CSMD1: variants seen among roughly 807,000 people sequenced by gnomAD.
CSMD1 encodes the protein CUB and Sushi multiple domains 1.
In CSMD1, 213 loss-of-function variants were observed where a neutral mutation model predicts 417.5. The ratio of observed to expected loss-of-function variants is 0.51; its 90% CI spans 0.46 to 0.57. CSMD1 has a LOEUF of 0.57. CSMD1 is among the 20% of genes least tolerant of loss of function. The pLI is 0.00. For synonymous variants in CSMD1, 2,862 were observed against 1,736.8 expected (o/e 1.65, Z -16.11); for missense variants, 6,923 against 4,529.7 (o/e 1.53, Z -15.17).
intron 25 of CSMD1, among the ~76,000 whole-genome samples, chr8:3,301,667 G>C (rs945998263): frequency 1.3e-5 from 2 of 152,120 alleles, no homozygotes; most frequent in Non-Finnish European, 2.9e-5. Flanking sequence ...TCCTGAAGTC[G>C]AAAGTATCCA....
At position 4,911,482 on chromosome 8, in the gene CSMD1, G is replaced by T. The variant is rs577275177; in HGVS notation, c.85+82850C>A. Among the ~76,000 whole-genome samples, 13 of 152,072 alleles carry T rather than the reference G, an allele frequency of 8.5e-5. No individual in the cohort carries two copies. In the South Asian group the frequency reaches 2.7e-3, roughly 32 times the overall value. ...TTCCATAGGATGTGATTAAGGTGTG[G>T]GTCTATACCTCAATGTCATTAACAT... On this transcript the variant is annotated intron_variant, in intron 1 of 69. Coordinates refer to ENST00000635120, the MANE Select transcript of CSMD1 (RefSeq NM_033225.6).
intron 26 of CSMD1, among the ~76,000 whole-genome samples, chr8:3,234,722 G>A (rs1485282629): frequency 6.6e-6 from 1 of 152,122 alleles, no homozygotes; most frequent in East Asian, 1.9e-4. Context: ...AAGTCACGAA[G>A]GTCTCACCCA....
At chr8:2,965,645 G>T in intron 59 of CSMD1, 130 bp downstream of exon 59, 1 of 685,934 alleles carries the variant, frequency 1.5e-6, no homozygotes, top group Non-Finnish European at 2.4e-6. Context: ...TGACTTAATA[G>T]TTGCAAATTG....
intron 3 of CSMD1, among the ~76,000 whole-genome samples, chr8:4,379,044 A>C (rs984767108): frequency 6.6e-6 from 1 of 152,232 alleles, no homozygotes; most frequent in African/African-American, 2.4e-5. Flanking sequence ...TTAACTGCAG[A>C]GGAAAAAAAA....
chr8:4,768,375 T>C (rs779675690), intron 1 of CSMD1, among the ~76,000 whole-genome samples: 2 of 152,168 alleles, frequency 1.3e-5, no homozygotes, highest in Non-Finnish European at 2.9e-5. Flanking sequence ...AGCTTCCTGT[T>C]CTTTCCATTC....
chr8:3,197,547 G>C (rs1174960592), intron 33 of CSMD1, among the ~76,000 whole-genome samples: 1 of 147,274 alleles, frequency 6.8e-6, no homozygotes, highest in African/African-American at 2.5e-5. Context: ...CTCACTGCAA[G>C]CTCCGCCTCC....
intron 2 of CSMD1, among the ~76,000 whole-genome samples, chr8:4,428,831 G>C (rs1563163534): frequency 6.6e-6 from 1 of 152,036 alleles, no homozygotes; most frequent in Non-Finnish European, 1.5e-5. Flanking sequence ...GGATTCTCCT[G>C]CCTCAGCCTC....
chr8:4,331,433 C>T (rs966366117), intron 3 of CSMD1, among the ~76,000 whole-genome samples: 3 of 152,102 alleles, frequency 2.0e-5, no homozygotes, highest in Non-Finnish European at 4.4e-5. Context: ...TTTAAAAATA[C>T]ATCCTGGTTT....
intron 1 of CSMD1, among the ~76,000 whole-genome samples, chr8:4,761,228 G>C (rs1013476555): frequency 1.3e-5 from 2 of 152,102 alleles, no homozygotes; most frequent in Admixed American, 1.3e-4. Flanking sequence ...GAGGTCACAG[G>C]AGACTATGGA....
At chr8:4,459,989 A>C (rs1263788043) in intron 2 of CSMD1, among the ~76,000 whole-genome samples, 1 of 152,198 alleles carries the variant, frequency 6.6e-6, no homozygotes, top group Non-Finnish European at 1.5e-5. Flanking sequence ...ATCAGACTAG[A>C]CAACCAAAAT....
intron 2 of CSMD1, among the ~76,000 whole-genome samples, chr8:4,425,034 A>T (rs985593838): frequency 2.0e-5 from 3 of 152,138 alleles, no homozygotes; most frequent in African/African-American, 7.2e-5. Flanking sequence ...AAGTAAGTTG[A>T]ACAAAAACTA....
intron 3 of CSMD1, among the ~76,000 whole-genome samples, chr8:4,101,957 G>A (rs2130880978): frequency 6.6e-6 from 1 of 152,258 alleles, no homozygotes; most frequent in South Asian, 2.1e-4. Flanking sequence ...AATAGAGAAA[G>A]GAGGACTCTT....
At chr8:3,066,340 C>T (rs1300924944) in intron 49 of CSMD1, among the ~76,000 whole-genome samples, 2 of 152,146 alleles carry the variant, frequency 1.3e-5, no homozygotes, top group African/African-American at 2.4e-5. Flanking sequence ...ATTTGAAGCT[C>T]AACATGGTCA....
chr8:3,917,695 T>C (rs1041510849), intron 5 of CSMD1, among the ~76,000 whole-genome samples: 6 of 152,124 alleles, frequency 3.9e-5, no homozygotes, highest in South Asian at 4.2e-4. Context: ...ATGAACTAGA[T>C]TGTTTTGGAG....
chr8:4,434,488 A>T (rs1182063335), intron 2 of CSMD1, among the ~76,000 whole-genome samples: 1 of 152,208 alleles, frequency 6.6e-6, no homozygotes, highest in Non-Finnish European at 1.5e-5. Flanking sequence ...AGAAGGAAAG[A>T]AACAACAAAA....
At chr8:3,496,088 G>A (rs1585252529) in intron 10 of CSMD1, among the ~76,000 whole-genome samples, 1 of 152,144 alleles carries the variant, frequency 6.6e-6, no homozygotes, top group Non-Finnish European at 1.5e-5. Context: ...GCTCCGATGT[G>A]TGTTGTTCCT....
chr8:4,084,866 C>G (rs1175680030), intron 3 of CSMD1, among the ~76,000 whole-genome samples: 2 of 151,278 alleles, frequency 1.3e-5, no homozygotes, highest in African/African-American at 2.4e-5. Context: ...AAAGCATGGT[C>G]TAATGCAAAT....
intron 1 of CSMD1, among the ~76,000 whole-genome samples, chr8:4,773,086 T>C (rs1796679191): frequency 6.6e-6 from 1 of 152,190 alleles, no homozygotes; most frequent in Non-Finnish European, 1.5e-5. Context: ...ATTTCAGATT[T>C]TTTTCAGATT....
intron 26 of CSMD1, among the ~76,000 whole-genome samples, chr8:3,265,299 T>C (rs370248345): frequency 6.6e-6 from 1 of 152,138 alleles, no homozygotes; most frequent in Non-Finnish European, 1.5e-5. Flanking sequence ...GAAGAAATGG[T>C]AAACGCAGAA....
Sources: gnomAD v4.1 joint callset for allele counts (sites outside exome capture counted in the v4.1 genomes callset) on GRCh38, gnomAD v4.1.1 for gene constraint, MANE v1.5 for transcripts, NCBI Gene and HGNC (gene_info 2026-07-23, HGNC 2026-07-21) for gene names.